LSP1: variants seen among roughly 807,000 people sequenced by gnomAD.
The protein encoded by LSP1 is lymphocyte-specific protein 1.
Under a neutral mutation model 49.3 loss-of-function variants are expected in LSP1, and 32 were observed. The observed-to-expected ratio is 0.65, with a 90% CI of 0.49 to 0.87. The LOEUF is 0.87. Ranked by LOEUF, LSP1 falls within the 40% of genes least tolerant of loss-of-function variation. The probability of loss-of-function intolerance (pLI) is 0.00; values close to 1 mark genes in which losing one functional copy is unlikely to be tolerated. For synonymous variants in LSP1, 179 were observed against 178.8 expected, an observed-to-expected ratio of 1.00 and a Z score of -0.01; for missense variants, 428 against 442.6, an observed-to-expected ratio of 0.97 and a Z score of 0.30.
chr11:1,877,084 G>A (rs1467711372), intron 1 of LSP1, among the ~76,000 whole-genome samples: 2 of 152,220 alleles, frequency 1.3e-5, no homozygotes, highest in East Asian at 1.9e-4. Context: ...GGCCACGGGC[G>A]GGGTCGGCCA....
At chr11:1,880,885 G>T in intron 2 of LSP1, 1 of 154,698 alleles carries the variant, frequency 6.5e-6, no homozygotes, top group Non-Finnish European at 1.4e-5. Context: ...GATGGGGGAG[G>T]CACAGCCCTG....
intron 1 of LSP1, chr11:1,870,377 GC>G (rs1177511068): frequency 1.4e-5 from 17 of 1,251,614 alleles, no homozygotes; most frequent in Non-Finnish European, 1.8e-5. Context: ...AGAAGTGCCG[GC>G]CCAGGGGCAG....
chr11:1,866,964 G>C, intron 1 of LSP1: 1 of 1,436,466 alleles, frequency 7.0e-7, no homozygotes, highest in Non-Finnish European at 9.2e-7. Flanking sequence ...CAGGCTCGGG[G>C]CCAGTCCCTG....
chr11:1,855,389 C>T (rs548768901), intron 1 of LSP1, among the ~76,000 whole-genome samples: 17 of 152,274 alleles, frequency 1.1e-4, no homozygotes, highest in East Asian at 3.9e-4. Context: ...GTGCCAGGTA[C>T]GCCAGCCTGT....
intron 1 of LSP1, chr11:1,865,346 C>T: frequency 1.7e-6 from 1 of 587,672 alleles, no homozygotes; most frequent in Non-Finnish European, 2.1e-6. Flanking sequence ...GCCACTGGGC[C>T]TCCCCCCAGC....
chr11:1,877,204 C>T (rs974082321), intron 1 of LSP1, among the ~76,000 whole-genome samples: 1 of 152,160 alleles, frequency 6.6e-6, no homozygotes, highest in Non-Finnish European at 1.5e-5. Context: ...GAGCTGCCCC[C>T]CTTTCAGTTC....
chr11:1,866,166 CA>C (rs1415204744), intron 1 of LSP1, among the ~76,000 whole-genome samples: 1 of 152,202 alleles, frequency 6.6e-6, no homozygotes, highest in Admixed American at 6.5e-5. Context: ...GCTTTTAAGC[CA>C]AACTGAAACA....
intron 1 of LSP1, among the ~76,000 whole-genome samples, chr11:1,878,503 G>A (rs1201755954): frequency 1.3e-5 from 2 of 152,138 alleles, no homozygotes; most frequent in African/African-American, 2.4e-5. Context: ...GTGCACAGGC[G>A]GCTGGGTTTG....
chr11:1,865,260 G>A (rs939740022), intron 1 of LSP1: 1 of 985,156 alleles, frequency 1.0e-6, no homozygotes, highest in African/African-American at 1.7e-5. Flanking sequence ...GATACCTCTT[G>A]AGGTAGGTCC....
chr11:1,884,139 T>C lies in LSP1; in HGVS notation c.591+115T>C. The stretch of plus-strand genomic sequence containing the variant: ...AGGCCCAGGCCTGGCTTTTGTCTGC[T>C]ATCCCCCCATTGCCCGGTGCTCAGC... On this transcript the variant is annotated intron_variant, in intron 5 of 10. Coordinates refer to ENST00000311604, the MANE Select transcript of LSP1 (RefSeq NM_002339.3). This position sits in a 1 kb window ranked among gnomAD's most constrained non-coding sequence, Gnocchi z 4.1. 7.0e-7 allele frequency: 1 copy of C among 1,428,790 alleles called. No individual in the cohort carries two copies. The highest frequency in any genetic ancestry group is 1.2e-5 in the South Asian group (1 of 84,772). 88.5% of individuals were successfully genotyped at this position (1,428,790 alleles called of 1,614,324 possible).
In LSP1 at chr11:1,866,601, C is replaced by A. The variant is rs200522804; in HGVS notation, c.53+13404C>A. ...TCCCAGCCTCCCCCTACCCCTGGCC[C>A]CCCATAAGCCTCCTCCTCCTGGGCT... On this transcript the variant is annotated intron_variant, in intron 1 of 10. Coordinates refer to ENST00000311604, the MANE Select transcript of LSP1 (RefSeq NM_002339.3). 1,088 of 1,550,104 alleles carry A rather than the reference C, an allele frequency of 7.0e-4. 1 individual carries two copies. Among genetic ancestry groups the A allele is most frequent in the Non-Finnish European group, 9.1e-4 (1,046 of 1,146,656 alleles).
rs1282238877 is a variant in LSP1 at position 1,883,442 on chromosome 11, A to G, written c.380A>G (p.Lys127Arg). The change falls in exon 4 of 11, where the codon AAG (lysine) becomes AGG (arginine). Residue 127 changes from lysine to arginine, a missense_variant. Coordinates refer to ENST00000311604, the MANE Select transcript of LSP1 (RefSeq NM_002339.3). ...AGGCCCGGCCTGCATGCCTACGAAA[A>G]GGAGGACAGTGATGAAGTCCACCTG... is the stretch of plus-strand genomic sequence containing the variant. ...EDRPGLHAYE[K>R]EDSDEVHLEE... 2 of 1,614,072 alleles carry G rather than the reference A, an allele frequency of 1.2e-6. No individual in the cohort carries two copies. Among genetic ancestry groups the G allele is most frequent in the South Asian group, 2.2e-5 (2 of 91,092 alleles).
intron 1 of LSP1, chr11:1,870,390 C>T (rs1483947396): frequency 1.6e-6 from 2 of 1,237,494 alleles, no homozygotes; most frequent in African/African-American, 3.1e-5. Flanking sequence ...CAGGGGCAGA[C>T]TCTTTTCTGC....
intron 1 of LSP1, among the ~76,000 whole-genome samples, chr11:1,877,558 G>A (rs550596438): frequency 1.4e-4 from 22 of 152,328 alleles, no homozygotes; most frequent in South Asian, 6.2e-4. Context: ...CGGCACCGCC[G>A]TTGTCGGGGC....
At chr11:1,876,685 C>T in intron 1 of LSP1, 1 of 957,634 alleles carries the variant, frequency 1.0e-6, no homozygotes, top group Non-Finnish European at 1.2e-6. Flanking sequence ...TGGGCATTGT[C>T]AGGCCCTCAG....
At chr11:1,870,656 G>T in intron 1 of LSP1, 1 of 1,083,724 alleles carries the variant, frequency 9.2e-7, no homozygotes, top group South Asian at 2.8e-5. Flanking sequence ...TGTGGCTCCC[G>T]CCCAGGTGGG....
intron 1 of LSP1, chr11:1,868,685 G>T: frequency 1.0e-6 from 1 of 985,772 alleles, no homozygotes; most frequent in South Asian, 4.7e-5. Flanking sequence ...GCTGGAAGTC[G>T]GTCTTCGGAC....
intron 1 of LSP1, among the ~76,000 whole-genome samples, chr11:1,855,324 A>G (rs11041481): frequency 0.35 from 52,732 of 152,090 alleles, 9,403 homozygotes; most frequent in East Asian, 0.53. Context: ...CAGGCTGGGC[A>G]GGCTCAGCTG....
At chr11:1,866,604 C>A (rs1373484177) in intron 1 of LSP1, 3 of 1,550,192 alleles carry the variant, frequency 1.9e-6, no homozygotes, top group East Asian at 4.9e-5. Context: ...CCTGGCCCCC[C>A]ATAAGCCTCC....
Sources: allele counts gnomAD v4.1 joint callset (sites outside exome capture counted in the v4.1 genomes callset), GRCh38; gene constraint gnomAD v4.1.1; non-coding constraint Gnocchi (gnomAD v3.1); transcripts MANE v1.5; gene names NCBI Gene and HGNC (gene_info 2026-07-23, HGNC 2026-07-21).